PCDHA3: variants seen among roughly 807,000 people sequenced by gnomAD.
PCDHA3 encodes the protein protocadherin alpha 3.
A neutral mutation model predicts 62.2 loss-of-function variants in PCDHA3; 41 were observed. That is an observed-to-expected ratio of 0.66 (90% CI 0.51 to 0.86). PCDHA3 has a LOEUF of 0.86. PCDHA3 is among the 40% of genes least tolerant of loss of function. The pLI is 0.00. For missense variants in PCDHA3, 1,304 were observed against 1,241.2 expected (o/e 1.05, Z -0.76); for synonymous variants, 640 against 555.4 (o/e 1.15, Z -2.14).
chr5:140,872,332 T>G (rs2053600467), intron 1 of PCDHA3, among the ~76,000 whole-genome samples: 1 of 152,172 alleles, frequency 6.6e-6, no homozygotes, highest in African/African-American at 2.4e-5. Context: ...ATGACTAAAA[T>G]TCTACATGTT....
rs140234108 is a variant in PCDHA3, at chr5:140,845,054, G to A, written c.2394+41463G>A. 4.2e-4 allele frequency among the ~76,000 whole-genome samples: 62 copies of A among 149,352 alleles called. 3 individuals are homozygous for A. The highest frequency in any genetic ancestry group is 7.5e-4 in the Non-Finnish European group (50 of 66,646). ...ATTTTAGCCCCCTTGTCCAACTGAA[G>A]GTAACCTCAAAGCAGCATTGTTTTG... On this transcript the variant is annotated intron_variant, in intron 1 of 3. Transcript: ENST00000522353.
At chr5:141,004,508 G>A (rs1554259596) in intron 3 of PCDHA3, among the ~76,000 whole-genome samples, 1 of 152,200 alleles carries the variant, frequency 6.6e-6, no homozygotes. Flanking sequence ...GCTGTGAGGG[G>A]CTCCCTCTGC....
intron 1 of PCDHA3, chr5:140,824,268 T>A: frequency 8.2e-7 from 1 of 1,223,616 alleles, no homozygotes; most frequent in Non-Finnish European, 1.2e-6. Flanking sequence ...CTAATTCATG[T>A]ATTATATGCT....
At chr5:140,857,887 G>A (rs2044983684) in intron 1 of PCDHA3, 6 of 1,597,818 alleles carry the variant, frequency 3.8e-6, no homozygotes, top group Middle Eastern at 1.7e-4. Flanking sequence ...TGCAGTCGGC[G>A]GCGGTTGGTG....
In PCDHA3 at chr5:140,855,864, G is replaced by T. The variant is rs2043653105; in HGVS notation, c.2394+52273G>T. On this transcript the variant is annotated intron_variant, in intron 1 of 3. Transcript: ENST00000522353. ...CCTAAAGCCACCGGATGTCGCTGTC[G>T]TCCACAAAATAGCTTTTTAGAACAA... 4 of 775,774 alleles carry T rather than the reference G, an allele frequency of 5.2e-6. No individual in the cohort carries two copies. The East Asian group carries it at 8.1e-5, about 16-fold the overall frequency. The allele number at this position is 775,774 out of a possible 1,614,324, so 48.1% of individuals were successfully genotyped here. A position where few individuals can be genotyped will look rare whatever the true frequency, so the allele number is the denominator to read the frequency against.
chr5:140,998,003 T>C (rs2097793100), intron 3 of PCDHA3, among the ~76,000 whole-genome samples: 1 of 152,134 alleles, frequency 6.6e-6, no homozygotes, highest in Admixed American at 6.6e-5. Context: ...CCTCTGAGCC[T>C]TCCATCCCCA....
chr5:140,843,381 T>C, intron 1 of PCDHA3: 1 of 1,596,090 alleles, frequency 6.3e-7, no homozygotes. Flanking sequence ...GCTGGCGTTT[T>C]GGGTCCGGAA....
intron 1 of PCDHA3, chr5:140,822,178 C>T: frequency 1.2e-6 from 2 of 1,614,244 alleles, no homozygotes; most frequent in Middle Eastern, 1.6e-4. Context: ...GTTCTCCAGA[C>T]AAGAACAAAG....
At chr5:140,841,244 G>C (rs2150312365) in intron 1 of PCDHA3, 34 of 1,496,206 alleles carry the variant, frequency 2.3e-5, no homozygotes, top group South Asian at 2.7e-5. Flanking sequence ...CAGCGGAATT[G>C]GATTAAAAGA....
chr5:140,969,585 T>A (rs2096344806), intron 1 of PCDHA3: 1 of 896,450 alleles, frequency 1.1e-6, no homozygotes, highest in Admixed American at 3.0e-5. Flanking sequence ...TGAGGATTAG[T>A]CTTAATATTT....
rs1562279471 is a variant in PCDHA3 at position 140,824,615 on chromosome 5, T to TTTTTTTTTG, written c.2394+21032_2394+21033insGTTTTTTTT. 4.8e-5 allele frequency: 6 copies of TTTTTTTTTG among 126,010 alleles called. No homozygotes were observed. In the East Asian group the frequency reaches 8.2e-4, roughly 17 times the overall value. The allele number at this position is 126,010 out of a possible 1,614,324, so 7.8% of individuals were successfully genotyped here. ...ACATGCACATGCTAATTAAAGTTTT[T>TTTTTTTTTG]TTTTTTTTTTTTTTTTTATTTTCTG... On this transcript the variant is annotated intron_variant, in intron 1 of 3. Transcript: ENST00000522353.
chr5:140,999,406 G>C (rs1459713118), intron 3 of PCDHA3, among the ~76,000 whole-genome samples: 1 of 152,166 alleles, frequency 6.6e-6, no homozygotes, highest in Non-Finnish European at 1.5e-5. Context: ...GCATATGAAA[G>C]AATGGGAGCT....
At chr5:140,883,343 A>G in intron 1 of PCDHA3, 1 of 1,614,142 alleles carries the variant, frequency 6.2e-7, no homozygotes, top group Non-Finnish European at 8.5e-7. Context: ...GTCACTCCCC[A>G]TCAGAGAAGA....
intron 1 of PCDHA3, chr5:140,928,753 G>A (rs782483181): frequency 1.2e-6 from 2 of 1,614,142 alleles, no homozygotes; most frequent in Non-Finnish European, 8.5e-7. Flanking sequence ...GCTCCGTACT[G>A]CTCGCTTAGT....
At chr5:140,841,954 C>A (rs1282125752) in intron 1 of PCDHA3, 1 of 1,613,776 alleles carries the variant, frequency 6.2e-7, no homozygotes, top group Non-Finnish European at 8.5e-7. Context: ...ACCACTTATT[C>A]CTGACAGCCA....
chr5:140,832,614 A>G (rs1451559865), intron 1 of PCDHA3, among the ~76,000 whole-genome samples: 1 of 152,186 alleles, frequency 6.6e-6, no homozygotes, highest in Non-Finnish European at 1.5e-5. Flanking sequence ...TAGTGAGTAA[A>G]TGTTTTTTAA....
intron 1 of PCDHA3, chr5:140,836,212 A>T: frequency 6.2e-7 from 1 of 1,613,756 alleles, no homozygotes. Flanking sequence ...CTTTCGTATG[A>T]GTTGCAACCG....
intron 1 of PCDHA3, among the ~76,000 whole-genome samples, chr5:140,910,954 G>A (rs183183329): frequency 3.4e-4 from 51 of 152,174 alleles, no homozygotes; most frequent in Admixed American, 7.2e-4. Flanking sequence ...CTTTTCGAGT[G>A]TAGCACACCT....
intron 1 of PCDHA3, chr5:140,842,646 C>T: frequency 6.3e-7 from 1 of 1,595,360 alleles, no homozygotes; most frequent in Non-Finnish European, 8.6e-7. Flanking sequence ...GCCAGCTTGT[C>T]TGTGGAGGTG....
Sources: gnomAD v4.1 joint callset for allele counts (sites outside exome capture counted in the v4.1 genomes callset) on GRCh38, gnomAD v4.1.1 for gene constraint, MANE v1.5 for transcripts, NCBI Gene and HGNC (gene_info 2026-07-23, HGNC 2026-07-21) for gene names.